CNOT10: variants seen among roughly 807,000 people sequenced by gnomAD.
CNOT10 encodes CCR4-NOT transcription complex subunit 10.
A neutral mutation model predicts 94.6 loss-of-function variants in CNOT10; 30 were observed. The ratio of observed to expected loss-of-function variants is 0.32; its 90% CI spans 0.24 to 0.43. The LOEUF (loss-of-function observed/expected upper bound fraction) is 0.43, where lower values mean the gene tolerates loss of function less well. Ranked by LOEUF, CNOT10 falls within the 20% of genes least tolerant of loss-of-function variation. The probability of loss-of-function intolerance (pLI) is 1.00; values close to 1 mark genes in which losing one functional copy is unlikely to be tolerated. For synonymous variants in CNOT10, 289 were observed against 301.6 expected (o/e 0.96, Z 0.43); for missense variants, 759 against 877.2 (o/e 0.87, Z 1.70).
At chr3:32,745,294 G>C (rs777884953) in intron 13 of CNOT10, among the ~76,000 whole-genome samples, 3 of 151,578 alleles carry the variant, frequency 2.0e-5, no homozygotes, top group Non-Finnish European at 2.9e-5. Flanking sequence ...AATTATTGTA[G>C]TTTTTTTTAT....
At chr3:32,756,283 G>T (rs909917042) in intron 13 of CNOT10, among the ~76,000 whole-genome samples, 2 of 152,170 alleles carry the variant, frequency 1.3e-5, no homozygotes, top group African/African-American at 4.8e-5. Context: ...TCACAGTTGA[G>T]AACTTTTAAT....
rs1696546616 is a variant in CNOT10 at position 32,685,287 on chromosome 3, T to A, written c.-174T>A. ...GTTGCTGTTGCTAGACGACGGGAACTAGCTCTCGTCACTTCCTCAGCCCGC... is the reference window on the plus strand; with the variant it reads ...GTTGCTGTTGCTAGACGACGGGAACAAGCTCTCGTCACTTCCTCAGCCCGC... On this transcript the variant is annotated 5_prime_UTR_variant, in exon 1 of 19. The change abolishes the stop of an existing upstream ORF in the 5' untranslated region. Transcript: ENST00000328834. 1 of 627,700 alleles carries A rather than the reference T, an allele frequency of 1.6e-6. No individual in the cohort carries two copies. 38.9% of individuals were successfully genotyped at this position (627,700 alleles called of 1,614,324 possible). A position where few individuals can be genotyped will look rare whatever the true frequency, so the allele number is the denominator to read the frequency against.
At chr3:32,756,557 G>C (rs1336187184) in intron 13 of CNOT10, among the ~76,000 whole-genome samples, 1 of 152,124 alleles carries the variant, frequency 6.6e-6, no homozygotes, top group Non-Finnish European at 1.5e-5. Flanking sequence ...CTAGGACCTA[G>C]ATCATGCAGG....
At position 32,716,270 on chromosome 3, in the gene CNOT10, A is replaced by G. The variant is rs773396632; in HGVS notation, c.619A>G (p.Ser207Gly). Residue 207 changes from serine to glycine, a missense_variant, in exon 6 of 19, where the codon AGT (serine) becomes GGT (glycine). Transcript: ENST00000328834. ...NKDGSNHKAE[S>G]GALIEAAKSK... ...AGATGGATCTAATCATAAAGCTGAA[A>G]GTGGAGCTCTAATAGAAGCTGCAAA... The G allele has an allele frequency of 6.2e-7, 1 of 1,606,142 alleles. No individual in the cohort carries two copies. The highest frequency in any genetic ancestry group is 8.5e-7 in the Non-Finnish European group (1 of 1,175,794).
chr3:32,736,425 C>T (rs1164392780), intron 12 of CNOT10, among the ~76,000 whole-genome samples: 1 of 152,132 alleles, frequency 6.6e-6, no homozygotes, highest in Non-Finnish European at 1.5e-5. Flanking sequence ...GTTAAACTTA[C>T]ATCTCCCATC....
chr3:32,690,070 A>G (rs946051000), intron 1 of CNOT10, among the ~76,000 whole-genome samples: 1 of 152,198 alleles, frequency 6.6e-6, no homozygotes, highest in Non-Finnish European at 1.5e-5. Context: ...GTTACAGGCC[A>G]TGGAGGGAGT....
In CNOT10 at chr3:32,773,856, A is replaced by C. The variant is rs531199274; in HGVS notation, c.*245A>C. ...TATGTAATATATGCCATAGGCAATT[A>C]AAACATAATTTTATCAGAAGTCTTT... On this transcript the variant is annotated 3_prime_UTR_variant, in exon 19 of 19. Coordinates refer to ENST00000328834, the MANE Select transcript of CNOT10 (RefSeq NM_015442.3). 2.1e-5 allele frequency: 8 copies of C among 387,008 alleles called. No homozygotes were observed. In the South Asian group the frequency reaches 5.5e-4, roughly 26 times the overall value. The allele number at this position is 387,008 out of a possible 1,614,324, so 24.0% of individuals were successfully genotyped here.
intron 3 of CNOT10, among the ~76,000 whole-genome samples, chr3:32,705,778 C>G (rs544586732): frequency 6.6e-6 from 1 of 152,014 alleles, no homozygotes; most frequent in Non-Finnish European, 1.5e-5. Flanking sequence ...TCATGAGTAC[C>G]ATGATACTCT....
At chr3:32,773,086 C>T (rs1320857836) in intron 18 of CNOT10, among the ~76,000 whole-genome samples, 3 of 152,078 alleles carry the variant, frequency 2.0e-5, no homozygotes, top group African/African-American at 7.2e-5. Context: ...AAGCTGGTCT[C>T]GAACTCCTGA....
Position 32,687,462 on chromosome 3 carries a change from T to TTTTTG in CNOT10, c.22+1984_22+1985insGTTTT, listed in dbSNP as rs1559471806. Among the ~76,000 whole-genome samples, 404 of 114,750 alleles carry TTTTTG rather than the reference T, an allele frequency of 3.5e-3. 16 individuals are homozygous for TTTTTG. Among genetic ancestry groups the TTTTTG allele is most frequent in the African/African-American group, 0.012 (384 of 31,726 alleles). The allele number at this position is 114,750 out of a possible 152,430, so 75.3% of individuals were successfully genotyped here. On this transcript the variant is annotated intron_variant, in intron 1 of 18. Coordinates refer to ENST00000328834, the MANE Select transcript of CNOT10 (RefSeq NM_015442.3). ...CGGTTTTTTTTTTTTGTTTTTTTTT[T>TTTTTG]TTTTTTTGAGACGGAGTCTCGCTCT...
intron 11 of CNOT10, 122 bp downstream of exon 11, chr3:32,733,666 T>A (rs1699054037): frequency 1.7e-6 from 1 of 585,972 alleles, no homozygotes; most frequent in African/African-American, 1.9e-5. Flanking sequence ...GTAACTAGAT[T>A]TTATTGCTAT....
intron 13 of CNOT10, among the ~76,000 whole-genome samples, chr3:32,749,474 A>G (rs935706188): frequency 2.9e-5 from 4 of 138,222 alleles, no homozygotes; most frequent in African/African-American, 1.1e-4. Flanking sequence ...CAGTGGCATG[A>G]TCTCGGCTCA....
intron 18 of CNOT10, among the ~76,000 whole-genome samples, chr3:32,770,895 G>C (rs1057318026): frequency 4.0e-5 from 6 of 151,852 alleles, no homozygotes; most frequent in Non-Finnish European, 8.8e-5. Context: ...TGTATTTTTA[G>C]TAGAGACCGG....
At chr3:32,720,087 T>C (rs1001358572) in intron 7 of CNOT10, 27 bp from the exon 8 acceptor site, 5 of 1,230,266 alleles carry the variant, frequency 4.1e-6, no homozygotes, top group Non-Finnish European at 5.7e-6. Flanking sequence ...AAACAAATTA[T>C]AAGTAACTTT....
intron 8 of CNOT10, among the ~76,000 whole-genome samples, chr3:32,722,126 A>G (rs1385200718): frequency 1.3e-5 from 2 of 152,218 alleles, no homozygotes; most frequent in African/African-American, 2.4e-5. Context: ...TTGAAAATGT[A>G]TATTTTGCCT....
chr3:32,773,807 G>A lies in CNOT10; in HGVS notation c.*196G>A, dbSNP rs1701010190. The A allele has an allele frequency of 1.9e-6, 1 of 514,766 alleles. No homozygotes were observed. Among genetic ancestry groups the A allele is most frequent in the Non-Finnish European group, 3.3e-6 (1 of 301,138 alleles). The allele number at this position is 514,766 out of a possible 1,614,324, so 31.9% of individuals were successfully genotyped here. A position where few individuals can be genotyped will look rare whatever the true frequency, so the allele number is the denominator to read the frequency against. On this transcript the variant is annotated 3_prime_UTR_variant, in exon 19 of 19. Transcript: ENST00000328834. The stretch of plus-strand genomic sequence containing the variant: ...TCATCAGCTGTTTTTCTTAATTTCA[G>A]CCAGACTATTAATTTTGAGCCATTA...
chr3:32,685,228 C>A lies in CNOT10; in HGVS notation c.-233C>A. ...GCCGTGAGGCGGAAGCTGTGTATGGCGGGAGGCTGTGGCGGTCCCTTGGTG... is the reference window on the plus strand; with the variant it reads ...GCCGTGAGGCGGAAGCTGTGTATGGAGGGAGGCTGTGGCGGTCCCTTGGTG... On this transcript the variant is annotated 5_prime_UTR_variant, in exon 1 of 19. Transcript: ENST00000328834. The A allele has an allele frequency of 2.0e-6, 1 of 502,054 alleles. No individual in the cohort carries two copies. Among genetic ancestry groups the A allele is most frequent in the South Asian group, 2.3e-5 (1 of 43,678 alleles). The allele number at this position is 502,054 out of a possible 1,614,324, so 31.1% of individuals were successfully genotyped here. A position where few individuals can be genotyped will look rare whatever the true frequency, so the allele number is the denominator to read the frequency against.
At chr3:32,757,839 A>G (rs1575300856) in intron 13 of CNOT10, among the ~76,000 whole-genome samples, 5 of 152,178 alleles carry the variant, frequency 3.3e-5, no homozygotes, top group East Asian at 1.9e-4. Flanking sequence ...TTGCCAGGAA[A>G]ATTCCTTTGA....
chr3:32,770,040 G>C, intron 18 of CNOT10, 78 bp downstream of exon 18: 6 of 1,101,124 alleles, frequency 5.4e-6, no homozygotes, highest in Admixed American at 5.2e-5. Flanking sequence ...GGGTCTCACT[G>C]TGTTGCCCAG....
Sources: gnomAD v4.1 joint callset for allele counts (sites outside exome capture counted in the v4.1 genomes callset) on GRCh38, gnomAD v4.1.1 for gene constraint, MANE v1.5 for transcripts, NCBI Gene and HGNC (gene_info 2026-07-23, HGNC 2026-07-21) for gene names.